Variants in NFILZ observed in about 807,000 individuals in gnomAD.
The protein encoded by NFILZ is NFIL3 like basic leucine zipper.
At chr19:8,636,884 G>A (rs140866234) in intron 3 of NFILZ, among the ~76,000 whole-genome samples, 44 of 152,238 alleles carry the variant, frequency 2.9e-4, no homozygotes, top group African/African-American at 5.5e-4. Context: ...TAGCCATTGC[G>A]CCTGGCCTAT....
intron 4 of NFILZ, among the ~76,000 whole-genome samples, chr19:8,674,964 C>T (rs1288263261): frequency 6.6e-6 from 1 of 152,156 alleles, no homozygotes; most frequent in Non-Finnish European, 1.5e-5. Flanking sequence ...TGGTGTCTTT[C>T]ATGGTTTCTT....
rs2043126656 is a variant in NFILZ at position 8,678,175 on chromosome 19, A to ATCCATCCTTCCATCCATTCATCCACTTG, written c.*547_*548insTTCCATCCATTCATCCACTTGTCCATCC. On this transcript the variant is annotated 3_prime_UTR_variant, in exon 6 of 6. Coordinates refer to ENST00000691075, the MANE Select transcript of NFILZ (RefSeq NM_001378600.1). ...CGTCCATCCATCCATCCATCCATCC[A>ATCCATCCTTCCATCCATTCATCCACTTG]TCCATCCATCCATCCGTCCATCTAT... Among the ~76,000 whole-genome samples, 1 of 26,878 alleles carries ATCCATCCTTCCATCCATTCATCCACTTG rather than the reference A, an allele frequency of 3.7e-5. No individual in the cohort carries two copies. The highest frequency in any genetic ancestry group is 7.4e-5 in the Non-Finnish European group (1 of 13,454). The allele number at this position is 26,878 out of a possible 152,430, so 17.6% of individuals were successfully genotyped here.
At chr19:8,652,774 CTTTCTTTCT>C (rs782701564) in intron 3 of NFILZ, among the ~76,000 whole-genome samples, 9 of 151,452 alleles carry the variant, frequency 5.9e-5, no homozygotes, top group Middle Eastern at 3.4e-3. Flanking sequence ...TCTTTTTTTC[CTTTCTTTCT>C]TTTCTTTCTT....
chr19:8,653,030 T>C (rs368696193), intron 3 of NFILZ, among the ~76,000 whole-genome samples: 42 of 59,626 alleles, frequency 7.0e-4, no homozygotes, highest in Admixed American at 1.3e-3. Context: ...CTTTCTTTCT[T>C]TCTTTCTTTC....
chr19:8,676,328 A>G (rs1305242743), intron 4 of NFILZ, among the ~76,000 whole-genome samples, 31 bp from the exon 5 acceptor site: 4 of 152,166 alleles, frequency 2.6e-5, no homozygotes, highest in African/African-American at 7.2e-5. Flanking sequence ...GGCTCTGTTT[A>G]CCTCCATGGA....
rs111067255 is a variant in NFILZ at position 8,678,151 on chromosome 19, G to C, written c.*516G>C. On this transcript the variant is annotated 3_prime_UTR_variant, in exon 6 of 6. Coordinates refer to ENST00000691075, the MANE Select transcript of NFILZ (RefSeq NM_001378600.1). ...CCTCCATCCATTCATCCACTTGTCC[G>C]TCCATCCATCCATCCATCCATCCAT... 4.1e-5 allele frequency among the ~76,000 whole-genome samples: 2 copies of C among 49,038 alleles called. No homozygotes were observed. The highest frequency in any genetic ancestry group is 2.0e-4 in the African/African-American group (2 of 9,912). 32.2% of individuals were successfully genotyped at this position (49,038 alleles called of 152,430 possible).
At chr19:8,670,969 T>C (rs1356468953) in intron 3 of NFILZ, among the ~76,000 whole-genome samples, 4 of 137,830 alleles carry the variant, frequency 2.9e-5, no homozygotes, top group Non-Finnish European at 6.1e-5. Context: ...CACTCCAGCC[T>C]GGGTGACAGA....
intron 3 of NFILZ, among the ~76,000 whole-genome samples, chr19:8,655,951 C>G (rs953828960): frequency 5.9e-5 from 9 of 152,042 alleles, no homozygotes; most frequent in African/African-American, 2.2e-4. Context: ...CTGTCTCTCT[C>G]TGTGTCTCTG....
At chr19:8,667,445 G>A (rs2043067455) in intron 3 of NFILZ, among the ~76,000 whole-genome samples, 1 of 151,830 alleles carries the variant, frequency 6.6e-6, no homozygotes. Flanking sequence ...TTGGTTCTGG[G>A]GTCTCCCTTG....
intron 3 of NFILZ, among the ~76,000 whole-genome samples, chr19:8,656,445 C>CTTTCCGCAGCCCACCTTCTCCT (rs1568421649): frequency 2.7e-4 from 5 of 18,864 alleles, no homozygotes; most frequent in Admixed American, 1.4e-3. Context: ...ACCTTCTCCT[C>CTTTCCGCAGCCCACCTTCTCCT]GAAGCCCACC....
chr19:8,643,006 G>A (rs944808736), intron 3 of NFILZ, among the ~76,000 whole-genome samples: 28 of 149,040 alleles, frequency 1.9e-4, no homozygotes, highest in Non-Finnish European at 3.4e-4. Flanking sequence ...CTGGAGTGCA[G>A]TGGTGTGATC....
chr19:8,635,572 T>TA (rs2042890978), intron 2 of NFILZ, 78 bp from the exon 3 acceptor site: 1 of 152,192 alleles, frequency 6.6e-6, no homozygotes, highest in Admixed American at 6.6e-5. Flanking sequence ...TTGTTGGGTG[T>TA]AGCATTTTTT....
At chr19:8,669,329 C>T (rs4239542) in intron 3 of NFILZ, among the ~76,000 whole-genome samples, 27,978 of 152,092 alleles carry the variant, frequency 0.18, 3,354 homozygotes, top group Admixed American at 0.24. Flanking sequence ...ACACATCTTA[C>T]CTTATTTATT....
chr19:8,675,250 T>G (rs1480746056), intron 4 of NFILZ, among the ~76,000 whole-genome samples: 3 of 152,212 alleles, frequency 2.0e-5, no homozygotes, highest in Non-Finnish European at 2.9e-5. Flanking sequence ...TCTGAATTTT[T>G]AGACAGGCTC....
chr19:8,663,730 G>GTA (rs1249556258), intron 3 of NFILZ, among the ~76,000 whole-genome samples: 61 of 77,392 alleles, frequency 7.9e-4, no homozygotes, highest in African/African-American at 4.2e-3. Flanking sequence ...GTTTGTGTGT[G>GTA]TGTGTGTGTG....
At chr19:8,653,968 C>G (rs2042980657) in intron 3 of NFILZ, among the ~76,000 whole-genome samples, 1 of 152,198 alleles carries the variant, frequency 6.6e-6, no homozygotes, top group Admixed American at 6.5e-5. Flanking sequence ...GTGGCTTACA[C>G]TTGTAATCCC....
At chr19:8,641,504 T>C (rs2042919097) in intron 3 of NFILZ, among the ~76,000 whole-genome samples, 1 of 152,228 alleles carries the variant, frequency 6.6e-6, no homozygotes, top group African/African-American at 2.4e-5. Flanking sequence ...ATTGTGGTGC[T>C]GCAAAATTTT....
Position 8,677,847 on chromosome 19 carries a change from G to A in NFILZ, c.*212G>A, listed in dbSNP as rs2043118361. 6.6e-6 allele frequency among the ~76,000 whole-genome samples: 1 copy of A among 151,996 alleles called. No individual in the cohort carries two copies. The highest frequency in any genetic ancestry group is 2.4e-5 in the African/African-American group (1 of 41,374). On this transcript the variant is annotated 3_prime_UTR_variant, in exon 6 of 6. Transcript: ENST00000691075. ...GGAGCCCATCTTGGATTCTACCATG[G>A]CTCTTGCCTTGCCTTAAAATCTATG...
In NFILZ at chr19:8,680,666, C is replaced by T. The variant is rs2043142523; in HGVS notation, c.*3031C>T. On this transcript the variant is annotated 3_prime_UTR_variant, in exon 6 of 6. Coordinates refer to ENST00000691075, the MANE Select transcript of NFILZ (RefSeq NM_001378600.1). ...TAGTAGGATCAATGATGATACGTGTCATGGAGAAAAAAGGGAGGCTTGGGA... is the reference window on the plus strand; with the variant it reads ...TAGTAGGATCAATGATGATACGTGTTATGGAGAAAAAAGGGAGGCTTGGGA... Among the ~76,000 whole-genome samples the T allele has an allele frequency of 6.6e-6, 1 of 151,916 alleles. No homozygotes were observed. The highest frequency in any genetic ancestry group is 1.5e-5 in the Non-Finnish European group (1 of 68,004).
Sources: gnomAD v4.1 joint callset for allele counts (sites outside exome capture counted in the v4.1 genomes callset) on GRCh38, gnomAD v4.1.1 for gene constraint, MANE v1.5 for transcripts, NCBI Gene and HGNC (gene_info 2026-07-23, HGNC 2026-07-21) for gene names.